The following TMEM185A variants were observed in gnomAD, a reference collection of about 807,000 sequenced individuals.
TMEM185A encodes the protein transmembrane protein 185A.
In TMEM185A, 9 loss-of-function variants were observed where a neutral mutation model predicts 25.0. That is an observed-to-expected ratio of 0.36 (90% CI 0.22 to 0.63). The LOEUF is 0.63. Among genes scored for constraint, TMEM185A ranks in the 20% least tolerant of loss-of-function variants. The pLI, the probability that TMEM185A is intolerant of heterozygous loss-of-function variation, is 0.68. For synonymous variants in TMEM185A, 45 were observed against 93.5 expected (o/e 0.48, Z 2.99); for missense variants, 103 against 237.4 (o/e 0.43, Z 3.72).
chrX:149,631,474 G>C, intron 1 of TMEM185A, 69 bp downstream of exon 1: 3 of 1,109,337 alleles, frequency 2.7e-6, no homozygotes, highest in Non-Finnish European at 3.6e-6. Context: ...TGCCTCCCCG[G>C]AGCCGAACAC....
At chrX:149,620,204 T>C (rs1352233819) in intron 1 of TMEM185A, among the ~76,000 whole-genome samples, 1 of 112,074 alleles carries the variant, frequency 8.9e-6, no homozygotes, top group East Asian at 2.8e-4. Context: ...TTATTGTGGC[T>C]TCCTGCATTT....
intron 1 of TMEM185A, among the ~76,000 whole-genome samples, chrX:149,627,790 A>T (rs2090171271): frequency 8.9e-6 from 1 of 111,992 alleles, no homozygotes; most frequent in African/African-American, 3.2e-5. Context: ...ATATTCCTTT[A>T]TTTTTGTACT....
intron 1 of TMEM185A, among the ~76,000 whole-genome samples, chrX:149,613,932 G>C (rs1479038429): frequency 8.9e-6 from 1 of 112,089 alleles, no homozygotes; most frequent in Non-Finnish European, 1.9e-5. Context: ...AATACATGTA[G>C]AAAGTACTGA....
At chrX:149,613,214 T>C (rs2090093280) in intron 1 of TMEM185A, among the ~76,000 whole-genome samples, 2 of 112,363 alleles carry the variant, frequency 1.8e-5, no homozygotes, top group African/African-American at 3.2e-5. Flanking sequence ...CAGCTAACTT[T>C]ACAATAGGAA....
At chrX:149,605,387 A>T (rs1383743485) in intron 3 of TMEM185A, among the ~76,000 whole-genome samples, 3 of 86,842 alleles carry the variant, frequency 3.5e-5, no homozygotes, top group African/African-American at 1.3e-4. Flanking sequence ...ATAGCCTCCC[A>T]TGTCACTTTC....
At chrX:149,614,675 T>C (rs936477541) in intron 1 of TMEM185A, among the ~76,000 whole-genome samples, 2 of 110,803 alleles carry the variant, frequency 1.8e-5, no homozygotes, top group Non-Finnish European at 3.8e-5. Context: ...AGTAAGAAAA[T>C]TGGTAAATCT....
At chrX:149,605,158 G>A (rs1201500385) in intron 3 of TMEM185A, 3 of 112,885 alleles carry the variant, frequency 2.7e-5, no homozygotes, top group Admixed American at 9.3e-5. Context: ...CTGCTGCATA[G>A]CAGACCCAGC....
chrX:149,617,542 T>C (rs1470964438), intron 1 of TMEM185A, among the ~76,000 whole-genome samples: 1 of 111,433 alleles, frequency 9.0e-6, no homozygotes, highest in Non-Finnish European at 1.9e-5. Context: ...TGAGATAAGA[T>C]TACACACACA....
chrX:149,614,364 G>C (rs782116519), intron 1 of TMEM185A, among the ~76,000 whole-genome samples: 2 of 111,585 alleles, frequency 1.8e-5, no homozygotes, highest in Non-Finnish European at 3.8e-5. Context: ...AAAATATTTT[G>C]GACTAAAGGC....
In TMEM185A at chrX:149,608,677, C is replaced by G. The variant is rs2090065603; in HGVS notation, c.373G>C (p.Val125Leu). Residue 125 changes from valine (V) to leucine (L), a missense_variant, in exon 3 of 7, where the codon GTG (valine) becomes CTG (leucine). Transcript: ENST00000600449. ...VFMPLFFVSP[V>L]SVAACVWGFR... ...CCCCAAACGCAAGCTGCAACAGACACCGGGGAAACAAAGAACAGCGGCATG... is the reference window on the plus strand; with the variant it reads ...CCCCAAACGCAAGCTGCAACAGACAGCGGGGAAACAAAGAACAGCGGCATG... 1 of 1,211,688 alleles carries G rather than the reference C, an allele frequency of 8.3e-7. No homozygotes were observed. The highest frequency in any genetic ancestry group is 1.7e-5 in the African/African-American group (1 of 57,768).
At position 149,631,692 on chromosome X, in the gene TMEM185A, GCTCCC is replaced by G; in HGVS notation, c.-117_-113del. Reference sequence around the variant, plus strand: ...CAGCGCCAGCCGCGTCCACGCTGCTGCTCCCGCTACTGCTGCCGTCCCCGCTGCCG... The same window carrying G: ...CAGCGCCAGCCGCGTCCACGCTGCTGGCTACTGCTGCCGTCCCCGCTGCCG... On this transcript the variant is annotated 5_prime_UTR_variant, in exon 1 of 7. Transcript: ENST00000600449. The G allele has an allele frequency of 1.3e-6, 1 of 787,924 alleles. No homozygotes were observed. Among genetic ancestry groups the G allele is most frequent in the Non-Finnish European group, 1.7e-6 (1 of 584,487 alleles). The allele number at this position is 787,924 out of a possible 1,213,427, so 64.9% of individuals were successfully genotyped here.
intron 1 of TMEM185A, among the ~76,000 whole-genome samples, chrX:149,614,651 A>C (rs782314011): frequency 3.6e-5 from 4 of 111,978 alleles, no homozygotes; most frequent in African/African-American, 1.3e-4. Context: ...AACTAAAAGC[A>C]GTTTCTTTGA....
chrX:149,626,023 G>A (rs1557355982), intron 1 of TMEM185A, among the ~76,000 whole-genome samples: 1 of 112,294 alleles, frequency 8.9e-6, no homozygotes, highest in Non-Finnish European at 1.9e-5. Flanking sequence ...TGAGACTGAC[G>A]TGGATTCGAA....
At chrX:149,619,757 G>GC (rs1383974182) in intron 1 of TMEM185A, among the ~76,000 whole-genome samples, 4 of 109,309 alleles carry the variant, frequency 3.7e-5, no homozygotes, top group African/African-American at 1.0e-4. Flanking sequence ...GTGGTGTTTG[G>GC]TTTTTTGTCC....
At position 149,611,542 on chromosome X, in the gene TMEM185A, C is replaced by T. The variant is rs1557354507; in HGVS notation, c.39-79G>A. On this transcript the variant is annotated intron_variant, in intron 1 of 6. Coordinates refer to ENST00000600449, the MANE Select transcript of TMEM185A (RefSeq NM_032508.4). ...CTGAAATGGGGAGTAATAAGAGCCA[C>T]ATTTGTCAGCATGTAAAAGGAGTCA... The T allele has an allele frequency of 8.8e-6, 8 of 913,879 alleles. No individual in the cohort carries two copies. The African/African-American group carries it at 1.0e-4, about 11-fold the overall frequency. 75.3% of individuals were successfully genotyped at this position (913,879 alleles called of 1,213,427 possible). A position where few individuals can be genotyped will look rare whatever the true frequency, so the allele number is the denominator to read the frequency against.
intron 3 of TMEM185A, among the ~76,000 whole-genome samples, chrX:149,604,793 A>G (rs1243237930): frequency 1.8e-5 from 2 of 111,044 alleles, no homozygotes; most frequent in Non-Finnish European, 3.8e-5. Flanking sequence ...AAAGTCACCG[A>G]TAACCGGGAG....
intron 2 of TMEM185A, among the ~76,000 whole-genome samples, chrX:149,610,380 A>C (rs2124212783): frequency 1.1e-5 from 1 of 90,128 alleles, no homozygotes; most frequent in African/African-American, 4.3e-5. Context: ...GTGGGCCGAG[A>C]TCACACCATT....
At chrX:149,626,708 T>C (rs182295065) in intron 1 of TMEM185A, among the ~76,000 whole-genome samples, 7 of 112,566 alleles carry the variant, frequency 6.2e-5, no homozygotes, top group African/African-American at 2.3e-4. Flanking sequence ...ATCATTATTT[T>C]TACTATCTTA....
intron 4 of TMEM185A, among the ~76,000 whole-genome samples, chrX:149,603,034 G>A (rs1276454515): frequency 3.6e-5 from 4 of 111,561 alleles, no homozygotes; most frequent in Non-Finnish European, 5.6e-5. Context: ...AAATAAAACC[G>A]AACAAAAACA....
Sources: allele counts gnomAD v4.1 joint callset (sites outside exome capture counted in the v4.1 genomes callset), GRCh38; gene constraint gnomAD v4.1.1; transcripts MANE v1.5; gene names NCBI Gene and HGNC (gene_info 2026-07-23, HGNC 2026-07-21).